The following PHACTR4 variants were observed in gnomAD, a reference collection of about 807,000 sequenced individuals.
PHACTR4 encodes the protein phosphatase and actin regulator 4, also known as protein phosphatase 1, regulatory subunit 124.
PHACTR4 carries 51 observed loss-of-function variants against 72.7 expected under a neutral mutation model. That is an observed-to-expected ratio of 0.70 (90% CI 0.56 to 0.89). PHACTR4 has a LOEUF of 0.89. PHACTR4 is among the 40% of genes least tolerant of loss of function. The pLI, the probability that PHACTR4 is intolerant of heterozygous loss-of-function variation, is 0.00. For synonymous variants in PHACTR4, 255 were observed against 302.5 expected, an observed-to-expected ratio of 0.84 and a Z score of 1.63; for missense variants, 731 against 861.8, an observed-to-expected ratio of 0.85 and a Z score of 1.90.
At chr1:28,457,565 T>C (rs574678141) in intron 2 of PHACTR4, among the ~76,000 whole-genome samples, 1 of 152,230 alleles carries the variant, frequency 6.6e-6, no homozygotes, top group South Asian at 2.1e-4. Context: ...ATTACACTAC[T>C]GCACTTCATC....
intron 2 of PHACTR4, among the ~76,000 whole-genome samples, chr1:28,450,973 G>GTTTTTTTTTTTTTTTTTTTTTT: frequency 1.8e-5 from 1 of 55,476 alleles, no homozygotes; most frequent in Non-Finnish European, 3.6e-5. Flanking sequence ...ACCACACCCA[G>GTTTTTTTTTTTTTTTTTTTTTT]CTTTTTTTTT....
At chr1:28,492,746 C>T (rs1405901635) in intron 12 of PHACTR4, among the ~76,000 whole-genome samples, 2 of 151,952 alleles carry the variant, frequency 1.3e-5, no homozygotes, top group African/African-American at 2.4e-5. Context: ...AGCAACGGAG[C>T]GAGATTCCAT....
At chr1:28,408,901 A>G (rs1654566630) in intron 2 of PHACTR4, among the ~76,000 whole-genome samples, 1 of 143,710 alleles carries the variant, frequency 7.0e-6, no homozygotes, top group South Asian at 2.2e-4. Context: ...GCGGCTCTGG[A>G]ATTCATAGGC....
At chr1:28,438,483 T>A in intron 2 of PHACTR4, 3 of 1,592,042 alleles carry the variant, frequency 1.9e-6, no homozygotes, top group Non-Finnish European at 2.6e-6. Flanking sequence ...CAAGGCAGAT[T>A]TACAGGTGAA....
rs1461759675 is a variant in PHACTR4, at chr1:28,480,448, A to C, written c.1607-3A>C. The C allele has an allele frequency of 6.2e-7, 1 of 1,613,758 alleles. No homozygotes were observed. ...TACATTTTTTTCTTCCCCGTGTGCA[A>C]AGGTGCTCTCGCCAACAAAGTGAAG... is the stretch of plus-strand genomic sequence containing the variant. On this transcript the variant is annotated splice_region_variant and splice_polypyrimidine_tract_variant and intron_variant, in intron 8 of 13. Transcript: ENST00000373839.
rs35018010 is a variant in PHACTR4 at position 28,426,581 on chromosome 1, G to A, written c.16+19118G>A. 5.0e-3 allele frequency among the ~76,000 whole-genome samples: 758 copies of A among 150,712 alleles called. 5 individuals carry two copies. The highest frequency in any genetic ancestry group is 0.017 in the African/African-American group (708 of 41,124). On this transcript the variant is annotated intron_variant, in intron 2 of 13. Coordinates refer to ENST00000373839, the MANE Select transcript of PHACTR4 (RefSeq NM_001048183.3). Reference sequence around the variant, plus strand: ...CTGGAGGCTGAGGCAGGAGAATGGCGTGAACCCGGGAGGCGGAGCTTGCAG... The same window carrying A: ...CTGGAGGCTGAGGCAGGAGAATGGCATGAACCCGGGAGGCGGAGCTTGCAG...
chr1:28,415,708 T>C (rs936626615), intron 2 of PHACTR4, among the ~76,000 whole-genome samples: 2 of 152,218 alleles, frequency 1.3e-5, no homozygotes, highest in African/African-American at 4.8e-5. Context: ...GATTGTTTAA[T>C]GAGATGTAGA....
chr1:28,415,072 G>A (rs1302690855), intron 2 of PHACTR4, among the ~76,000 whole-genome samples: 1 of 151,862 alleles, frequency 6.6e-6, no homozygotes, highest in East Asian at 1.9e-4. Context: ...ACCAGCCTGG[G>A]CAACAAGGTG....
intron 2 of PHACTR4, among the ~76,000 whole-genome samples, chr1:28,438,646 ATTAAT>A (rs754674948): frequency 4.6e-5 from 7 of 152,218 alleles, no homozygotes; most frequent in Non-Finnish European, 8.8e-5. Context: ...AATTCAGTTT[ATTAAT>A]TTATCGCTCA....
At chr1:28,377,237 C>CTT (rs1304157166) in intron 1 of PHACTR4, among the ~76,000 whole-genome samples, 9 of 136,746 alleles carry the variant, frequency 6.6e-5, no homozygotes, top group Non-Finnish European at 1.1e-4. Flanking sequence ...CGCACCCAGC[C>CTT]TTTTTTTTTT....
chr1:28,473,431 C>G (rs1382502578), intron 6 of PHACTR4, 123 bp from the exon 7 acceptor site: 9 of 763,970 alleles, frequency 1.2e-5, no homozygotes, highest in African/African-American at 3.5e-5. Flanking sequence ...AATGGCAAAA[C>G]TATGAAATTA....
At position 28,499,065 on chromosome 1, in the gene PHACTR4, C is replaced by CAAAAAA. The variant is rs879042110; in HGVS notation, c.*2529_*2534dup. On this transcript the variant is annotated 3_prime_UTR_variant, in exon 14 of 14. Coordinates refer to ENST00000373839, the MANE Select transcript of PHACTR4 (RefSeq NM_001048183.3). ...CCTGGGCAACAGAGCGAGACTCCAT[C>CAAAAAA]AAAAAAAAAAAAAAAAAAGAAGGAA... The CAAAAAA allele has an allele frequency of 1.2e-5, 1 of 82,292 alleles. No homozygotes were observed. The highest frequency in any genetic ancestry group is 2.6e-5 in the Non-Finnish European group (1 of 38,162). 5.1% of individuals were successfully genotyped at this position (82,292 alleles called of 1,614,324 possible).
rs942567353 is a variant in PHACTR4, at chr1:28,497,586, T to C, written c.*1037T>C. On this transcript the variant is annotated 3_prime_UTR_variant, in exon 14 of 14. Transcript: ENST00000373839. ...TGAGAAAGCATGTATATTTTCTATA[T>C]ACAAAAACAAGAAAGGCGTTTTGAG... is the stretch of plus-strand genomic sequence containing the variant. 1.5e-5 allele frequency: 2 copies of C among 135,738 alleles called. No individual in the cohort carries two copies. The highest frequency in any genetic ancestry group is 3.1e-5 in the Non-Finnish European group (2 of 64,198). The allele number at this position is 135,738 out of a possible 1,614,324, so 8.4% of individuals were successfully genotyped here.
chr1:28,394,888 G>C (rs956878331), intron 1 of PHACTR4, among the ~76,000 whole-genome samples: 1 of 149,778 alleles, frequency 6.7e-6, no homozygotes, highest in African/African-American at 2.5e-5. Flanking sequence ...GAGCCACCAT[G>C]CCTGGACCTG....
rs557572215 is a variant in PHACTR4, at chr1:28,398,619, G to A, written c.-38-8791G>A. ...GGATCGCTTGAGGTCAAGAGTTCGAGACCAGCCTGGTGAACATGGTGAAAC... is the reference window on the plus strand; with the variant it reads ...GGATCGCTTGAGGTCAAGAGTTCGAAACCAGCCTGGTGAACATGGTGAAAC... On this transcript the variant is annotated intron_variant, in intron 1 of 13. Transcript: ENST00000373839. 3.9e-5 allele frequency among the ~76,000 whole-genome samples: 6 copies of A among 152,226 alleles called. No individual in the cohort carries two copies. The South Asian group carries it at 1.2e-3, about 32-fold the overall frequency.
In PHACTR4 at chr1:28,465,716, C is replaced by T. The variant is rs781561077; in HGVS notation, c.303C>T (p.Ala101=). The T allele has an allele frequency of 7.4e-6, 12 of 1,613,756 alleles. No individual in the cohort carries two copies. The South Asian group carries it at 1.2e-4, about 16-fold the overall frequency. ...AGGATCCAGGAAAGCCAAGCGATGC[C>T]ATGTTAAAGAATGGCCATACCACCC... The part of the protein sequence containing the change: ...GGEDPGKPSD[A]MLKNGHTTPI... Residue 101 remains alanine (A), a synonymous_variant, in exon 5 of 14, where the codon GCC becomes GCT. Coordinates refer to ENST00000373839, the MANE Select transcript of PHACTR4 (RefSeq NM_001048183.3).
chr1:28,385,699 C>T (rs192429471), intron 1 of PHACTR4, among the ~76,000 whole-genome samples: 26 of 150,446 alleles, frequency 1.7e-4, no homozygotes, highest in African/African-American at 5.9e-4. Flanking sequence ...TCACTGCAAC[C>T]TCCGCTTCTG....
chr1:28,442,267 A>C (rs114059640), intron 2 of PHACTR4, among the ~76,000 whole-genome samples: 1,854 of 151,972 alleles, frequency 0.012, 12 homozygotes, highest in Non-Finnish European at 0.019. Context: ...GAGATGAGAC[A>C]ACCCTGGCCA....
At chr1:28,459,401 T>TC (rs1658642707) in intron 3 of PHACTR4, 143 bp downstream of exon 3, 1 of 647,728 alleles carries the variant, frequency 1.5e-6, no homozygotes, top group Non-Finnish European at 2.4e-6. Context: ...TCTTCTTTTT[T>TC]TTTTTTTTTT....
Sources: allele counts gnomAD v4.1 joint callset (sites outside exome capture counted in the v4.1 genomes callset), GRCh38; gene constraint gnomAD v4.1.1; transcripts MANE v1.5; gene names NCBI Gene and HGNC (gene_info 2026-07-23, HGNC 2026-07-21).